Variants in ABCD3 observed in about 807,000 individuals in gnomAD.
ABCD3 encodes ATP binding cassette subfamily D member 3, also known as ATP-binding cassette sub-family D member 3.
Under a neutral mutation model 105.5 loss-of-function variants are expected in ABCD3, and 41 were observed. The observed-to-expected ratio is 0.39, with a 90% CI of 0.30 to 0.50. ABCD3 has a LOEUF of 0.50. Among genes scored for constraint, ABCD3 ranks in the 20% least tolerant of loss-of-function variants. The pLI, the probability that ABCD3 is intolerant of heterozygous loss-of-function variation, is 0.84. For missense variants in ABCD3, 622 were observed against 806.3 expected (o/e 0.77, Z 2.77); for synonymous variants, 258 against 269.0 (o/e 0.96, Z 0.40).
At chr1:94,405,462 G>A in the ABCD3 span, among the ~76,000 whole-genome samples, 44 of 151,840 alleles carry the variant, frequency 2.9e-4, no homozygotes, top group Admixed American at 5.9e-4. Context: ...AGGCATGCAC[G>A]CCTGGCTAAT....
intron 1 of ABCD3, among the ~76,000 whole-genome samples, chr1:94,434,008 C>T (rs550731749): frequency 5.9e-5 from 9 of 152,046 alleles, no homozygotes; most frequent in Non-Finnish European, 1.2e-4. Flanking sequence ...AGATCAAAAA[C>T]GGTGTACCTG....
intron 6 of ABCD3, 117 bp from the exon 7 acceptor site, chr1:94,475,497 G>C: frequency 9.1e-7 from 1 of 1,102,006 alleles, no homozygotes; most frequent in Non-Finnish European, 1.3e-6. Flanking sequence ...ATCTCTTCTG[G>C]CTCCAAACTT....
At position 94,418,547 on chromosome 1, in the gene ABCD3, C is replaced by G; in HGVS notation, c.69C>G (p.Leu23=). ...SSLAGAAFLL[L]CLLHKRRRAL... ...TGGCTGGTGCCGCGTTCCTGCTGCT[C>G]TGCCTGCTCCACAAGCGGCGCCGCG... is the stretch of plus-strand genomic sequence containing the variant. The change falls in exon 1 of 23, where the codon CTC becomes CTG. Residue 23 remains leucine (L), a synonymous_variant. Coordinates refer to ENST00000370214, the MANE Select transcript of ABCD3 (RefSeq NM_002858.4). 1 of 1,605,006 alleles carries G rather than the reference C, an allele frequency of 6.2e-7. No individual in the cohort carries two copies. The highest frequency in any genetic ancestry group is 1.3e-5 in the African/African-American group (1 of 74,998).
chr1:94,399,868 A>C, the ABCD3 span, among the ~76,000 whole-genome samples: 1 of 152,178 alleles, frequency 6.6e-6, no homozygotes, highest in East Asian at 1.9e-4. Flanking sequence ...TGTGAAATAA[A>C]ACCTTCCCAT....
chr1:94,428,790 G>A (rs1487880012), intron 1 of ABCD3, among the ~76,000 whole-genome samples: 5 of 151,894 alleles, frequency 3.3e-5, no homozygotes, highest in South Asian at 4.2e-4. Context: ...GCCCAGTCTC[G>A]GGTATGTCTT....
At chr1:94,468,443 T>C (rs1277135562) in intron 4 of ABCD3, among the ~76,000 whole-genome samples, 3 of 152,222 alleles carry the variant, frequency 2.0e-5, no homozygotes, top group Non-Finnish European at 4.4e-5. Flanking sequence ...TCTTAGACAT[T>C]TCTTTCTGCA....
chr1:94,479,020 A>G (rs929051708), intron 8 of ABCD3, among the ~76,000 whole-genome samples: 1 of 152,322 alleles, frequency 6.6e-6, no homozygotes, highest in Non-Finnish European at 1.5e-5. Context: ...ATATAATAGT[A>G]TGGTTGTTTT....
intron 21 of ABCD3, among the ~76,000 whole-genome samples, chr1:94,508,304 A>G (rs1650467691): frequency 6.6e-6 from 1 of 152,106 alleles, no homozygotes; most frequent in Admixed American, 6.6e-5. Flanking sequence ...ATAGTTGTAG[A>G]TATGCGGCGT....
chr1:94,434,833 A>G (rs551845320), intron 1 of ABCD3, among the ~76,000 whole-genome samples: 7 of 152,282 alleles, frequency 4.6e-5, no homozygotes, highest in African/African-American at 1.7e-4. Context: ...AGCCTTCCAC[A>G]TGGCCCTTCC....
intron 16 of ABCD3, among the ~76,000 whole-genome samples, chr1:94,496,877 C>T (rs1303702997): frequency 1.3e-5 from 2 of 151,238 alleles, no homozygotes; most frequent in Non-Finnish European, 2.9e-5. Flanking sequence ...AAGCAATTCT[C>T]ATGCCTCAGC....
At chr1:94,387,141 C>T in the ABCD3 span, among the ~76,000 whole-genome samples, 1 of 152,296 alleles carries the variant, frequency 6.6e-6, no homozygotes, top group East Asian at 1.9e-4. Context: ...TCACAATTTA[C>T]GGAAGGTCTG....
chr1:94,506,760 A>T (rs1570835318), intron 21 of ABCD3, 118 bp downstream of exon 21: 1 of 690,766 alleles, frequency 1.4e-6, no homozygotes, highest in East Asian at 2.8e-5. Context: ...CTACCAAAAG[A>T]TTTCTTGTTT....
At chr1:94,514,895 G>T in intron 21 of ABCD3, 1 of 464,702 alleles carries the variant, frequency 2.2e-6, no homozygotes, top group Non-Finnish European at 3.9e-6. Context: ...AGACATGATA[G>T]GAGATATGTT....
At chr1:94,427,277 C>A (rs1659504716) in intron 1 of ABCD3, among the ~76,000 whole-genome samples, 1 of 152,110 alleles carries the variant, frequency 6.6e-6, no homozygotes, top group Non-Finnish European at 1.5e-5. Context: ...CTGTATTAGC[C>A]TTGGTCTCTT....
intron 1 of ABCD3, among the ~76,000 whole-genome samples, chr1:94,421,045 A>T (rs776585151): frequency 6.6e-6 from 1 of 152,018 alleles, no homozygotes; most frequent in African/African-American, 2.4e-5. Context: ...AATTTTTTTC[A>T]CTCAGTTAAA....
At chr1:94,472,161 T>A (rs1648487349) in intron 4 of ABCD3, 8 of 867,728 alleles carry the variant, frequency 9.2e-6, no homozygotes, top group African/African-American at 3.6e-5. Context: ...TTGTTAATTA[T>A]TTTTTTTGCA....
At chr1:94,452,346 G>A (rs766555632) in intron 1 of ABCD3, among the ~76,000 whole-genome samples, 7 of 152,304 alleles carry the variant, frequency 4.6e-5, no homozygotes, top group Non-Finnish European at 5.9e-5. Context: ...GAGAGAGAGC[G>A]CAGTATTAGG....
intron 16 of ABCD3, among the ~76,000 whole-genome samples, chr1:94,493,719 T>C (rs1434453681): frequency 6.6e-6 from 1 of 152,030 alleles, no homozygotes; most frequent in Non-Finnish European, 1.5e-5. Flanking sequence ...ATAGACTGGA[T>C]AAAGAAAATG....
Position 94,418,442 on chromosome 1 carries a change from C to CGCG in ABCD3, c.-36_-34dup, listed in dbSNP as rs1659109437. 6.5e-7 allele frequency: 1 copy of CGCG among 1,547,640 alleles called. No homozygotes were observed. Among genetic ancestry groups the CGCG allele is most frequent in the African/African-American group, 1.4e-5 (1 of 73,180 alleles). ...AGGTAGCCGCCGCCGCCGCCGCCGC[C>CGCG]GCGTCCCCTCGCCGGCTCGCTGGTA... On this transcript the variant is annotated 5_prime_UTR_variant, in exon 1 of 23. Coordinates refer to ENST00000370214, the MANE Select transcript of ABCD3 (RefSeq NM_002858.4).
Sources: gnomAD v4.1 joint callset for allele counts (sites outside exome capture counted in the v4.1 genomes callset) on GRCh38, gnomAD v4.1.1 for gene constraint, MANE v1.5 for transcripts, NCBI Gene and HGNC (gene_info 2026-07-23, HGNC 2026-07-21) for gene names.